HIVEP3: variants seen among roughly 807,000 people sequenced by gnomAD.
HIVEP3 encodes the protein HIVEP zinc finger 3.
A neutral mutation model predicts 152.8 loss-of-function variants in HIVEP3; 49 were observed. The ratio of observed to expected loss-of-function variants is 0.32; its 90% CI spans 0.26 to 0.41. HIVEP3 has a LOEUF of 0.41. Among genes scored for constraint, HIVEP3 ranks in the 10% least tolerant of loss-of-function variants. HIVEP3 has a pLI of 1.00. For missense variants in HIVEP3, 2,790 were observed against 3,103.3 expected (o/e 0.90, Z 2.40); for synonymous variants, 1,269 against 1,289.0 (o/e 0.98, Z 0.33).
At chr1:41,885,311 G>T (rs1194484393) in intron 1 of HIVEP3, among the ~76,000 whole-genome samples, 2 of 152,086 alleles carry the variant, frequency 1.3e-5, no homozygotes, top group African/African-American at 2.4e-5. Flanking sequence ...CCCTAGGGCT[G>T]CTCAGTGGTA....
At chr1:41,745,825 T>C (rs1461263998) in intron 1 of HIVEP3, among the ~76,000 whole-genome samples, 1 of 152,126 alleles carries the variant, frequency 6.6e-6, no homozygotes, top group Non-Finnish European at 1.5e-5. Flanking sequence ...ATATAACACA[T>C]CCCCTGAGAA....
At chr1:41,743,190 G>A (rs1054666872) in intron 1 of HIVEP3, among the ~76,000 whole-genome samples, 1 of 152,052 alleles carries the variant, frequency 6.6e-6, no homozygotes, top group Non-Finnish European at 1.5e-5. Flanking sequence ...GCTAAATCTT[G>A]CAACATGCCA....
intron 5 of HIVEP3, among the ~76,000 whole-genome samples, chr1:41,562,680 A>G (rs1644097119): frequency 7.0e-6 from 1 of 143,286 alleles, no homozygotes; most frequent in African/African-American, 2.6e-5. Context: ...TGGGTATAAT[A>G]AACCTACAAG....
chr1:41,628,810 C>A lies in HIVEP3; in HGVS notation c.-583G>T, dbSNP rs1346614070. 1 of 1,232,034 alleles carries A rather than the reference C, an allele frequency of 8.1e-7. No individual in the cohort carries two copies. The highest frequency in any genetic ancestry group is 1.0e-6 in the Non-Finnish European group (1 of 987,994). 76.3% of individuals were successfully genotyped at this position (1,232,034 alleles called of 1,614,324 possible). On this transcript the variant is annotated 5_prime_UTR_variant, in exon 3 of 9. It removes an upstream start codon present in the reference 5' UTR. Coordinates refer to ENST00000372583, the MANE Select transcript of HIVEP3 (RefSeq NM_024503.5). ...AAACGCTGTTCTCTCTGAAAGCCAG[C>A]ATTCATGTCCACTCCTACGGCAGCC...
intron 5 of HIVEP3, among the ~76,000 whole-genome samples, chr1:41,567,560 T>G (rs1437763542): frequency 6.6e-6 from 1 of 152,196 alleles, no homozygotes; most frequent in Non-Finnish European, 1.5e-5. Context: ...AGCAAGGTGC[T>G]GGGCCTCAGG....
At chr1:42,031,771 T>A (rs988349860) in intron 1 of HIVEP3, among the ~76,000 whole-genome samples, 1 of 152,060 alleles carries the variant, frequency 6.6e-6, no homozygotes, top group Non-Finnish European at 1.5e-5. Flanking sequence ...TTCCAACTTA[T>A]AAATTTGTAA....
intron 2 of HIVEP3, among the ~76,000 whole-genome samples, chr1:41,682,858 G>A (rs780310637): frequency 3.9e-5 from 6 of 152,116 alleles, no homozygotes; most frequent in East Asian, 1.9e-4. Context: ...TGGTGCTCAC[G>A]GAGCCGTACA....
intron 3 of HIVEP3, among the ~76,000 whole-genome samples, chr1:41,614,493 G>A (rs1255689155): frequency 1.3e-5 from 2 of 152,234 alleles, no homozygotes; most frequent in Non-Finnish European, 2.9e-5. Flanking sequence ...CTCGTAGGAA[G>A]TCCCAACAGG....
chr1:41,614,846 C>G (rs550691254), intron 3 of HIVEP3, among the ~76,000 whole-genome samples: 1 of 152,170 alleles, frequency 6.6e-6, no homozygotes, highest in Non-Finnish European at 1.5e-5. Context: ...TGGCCAGTTC[C>G]TCAGAAAAAA....
intron 1 of HIVEP3, among the ~76,000 whole-genome samples, chr1:41,888,324 T>A (rs538451106): frequency 6.7e-6 from 1 of 149,990 alleles, no homozygotes; most frequent in Non-Finnish European, 1.5e-5. Context: ...AGTGCTCGGA[T>A]TACAGGCATG....
chr1:41,654,457 T>C (rs1468660073), intron 2 of HIVEP3, among the ~76,000 whole-genome samples: 1 of 152,252 alleles, frequency 6.6e-6, no homozygotes, highest in African/African-American at 2.4e-5. Flanking sequence ...TTCATTCATT[T>C]ATTTTTAAAT....
chr1:41,860,287 A>C lies in HIVEP3; in HGVS notation c.-801+58126T>G, dbSNP rs568710699. ...AATCTCCCCCTTGACAAGATGGAAA[A>C]CCTTCGTGGTCATAGATCAAATCCT... is the stretch of plus-strand genomic sequence containing the variant. On this transcript the variant is annotated intron_variant, in intron 1 of 8. Coordinates refer to ENST00000372583, the MANE Select transcript of HIVEP3 (RefSeq NM_024503.5). 6.6e-5 allele frequency among the ~76,000 whole-genome samples: 10 copies of C among 152,256 alleles called. No homozygotes were observed. In the South Asian group the frequency reaches 1.7e-3, roughly 25 times the overall value.
chr1:41,997,102 A>T (rs1205391926), intron 1 of HIVEP3, among the ~76,000 whole-genome samples: 1 of 152,240 alleles, frequency 6.6e-6, no homozygotes, highest in Non-Finnish European at 1.5e-5. Context: ...GGTTCTGCAG[A>T]TTAGGATGTG....
chr1:41,601,830 A>C (rs556826737), intron 3 of HIVEP3, among the ~76,000 whole-genome samples: 1 of 152,252 alleles, frequency 6.6e-6, no homozygotes, highest in African/African-American at 2.4e-5. Flanking sequence ...GATTTTAGAG[A>C]AAAAACTTTT....
chr1:41,953,350 A>G (rs78922068), intron 1 of HIVEP3, among the ~76,000 whole-genome samples: 1,645 of 152,244 alleles, frequency 0.011, 30 homozygotes, highest in African/African-American at 0.038. Flanking sequence ...CCTTGGGCCA[A>G]TTACTTAATC....
intron 1 of HIVEP3, among the ~76,000 whole-genome samples, chr1:41,708,151 A>C (rs1435998757): frequency 6.6e-6 from 1 of 152,120 alleles, no homozygotes; most frequent in Non-Finnish European, 1.5e-5. Flanking sequence ...TTAGGGAGGG[A>C]CTACCTTTGT....
At chr1:41,933,642 T>G (rs961443509) in intron 1 of HIVEP3, among the ~76,000 whole-genome samples, 2 of 152,190 alleles carry the variant, frequency 1.3e-5, no homozygotes, top group Non-Finnish European at 2.9e-5. Flanking sequence ...TTAACTGGTA[T>G]GTTTAGACCA....
At chr1:41,638,355 A>G (rs12746160) in intron 2 of HIVEP3, among the ~76,000 whole-genome samples, 5,592 of 36,698 alleles carry the variant, frequency 0.15, 299 homozygotes, top group African/African-American at 0.24. Context: ...AGAAAGAAAG[A>G]AAAAGGAAAG....
chr1:41,627,052 C>T (rs1420825160), intron 3 of HIVEP3, among the ~76,000 whole-genome samples: 1 of 152,220 alleles, frequency 6.6e-6, no homozygotes, highest in Non-Finnish European at 1.5e-5. Context: ...ACCATGTGGG[C>T]AGCAGCATCG....
Sources: allele counts gnomAD v4.1 joint callset (sites outside exome capture counted in the v4.1 genomes callset), GRCh38; gene constraint gnomAD v4.1.1; transcripts MANE v1.5; gene names NCBI Gene and HGNC (gene_info 2026-07-23, HGNC 2026-07-21).